Variants in FMO5 observed in about 807,000 individuals in gnomAD.
The protein encoded by FMO5 is flavin-containing monooxygenase 5.
Under a neutral mutation model 43.6 loss-of-function variants are expected in FMO5, and 51 were observed. That is an observed-to-expected ratio of 1.17 (90% CI 0.93 to 1.48). FMO5 has a LOEUF of 1.48. Among genes scored for constraint, FMO5 ranks in the 40% most tolerant of loss-of-function variants. FMO5 has a pLI of 0.00. For synonymous variants in FMO5, 187 were observed against 216.5 expected (o/e 0.86, Z 1.20); for missense variants, 644 against 643.0 (o/e 1.00, Z -0.02).
intron 4 of FMO5, among the ~76,000 whole-genome samples, chr1:147,213,073 A>G (rs1661349151): frequency 6.6e-6 from 1 of 152,152 alleles, no homozygotes; most frequent in South Asian, 2.1e-4. Flanking sequence ...GTCATTTGAT[A>G]CAATGACTAA....
downstream of FMO5, among the ~76,000 whole-genome samples, chr1:147,185,200 A>G (rs1159352467): frequency 1.3e-5 from 2 of 151,990 alleles, no homozygotes; most frequent in African/African-American, 4.8e-5. Context: ...CTTGCATATA[A>G]TATGTACAAT....
intron 2 of FMO5, among the ~76,000 whole-genome samples, chr1:147,221,372 C>G (rs1362824510): frequency 6.6e-6 from 1 of 152,132 alleles, no homozygotes; most frequent in Non-Finnish European, 1.5e-5. Context: ...ATGAGGTGTA[C>G]TGTAATTCTC....
At chr1:147,208,536 C>T (rs587614162) in intron 6 of FMO5, 4 of 216,076 alleles carry the variant, frequency 1.9e-5, no homozygotes, top group Admixed American at 5.4e-5. Context: ...GCCTCCAGGG[C>T]TCAGGTGATT....
At chr1:147,204,378 C>T in intron 6 of FMO5, 1 of 1,053,146 alleles carries the variant, frequency 9.5e-7, no homozygotes, top group Non-Finnish European at 1.5e-6. Context: ...ATACGCATGC[C>T]TGAACAATAA....
chr1:147,185,884 T>C (rs1281755968), downstream of FMO5, among the ~76,000 whole-genome samples: 1 of 152,216 alleles, frequency 6.6e-6, no homozygotes, highest in East Asian at 1.9e-4. Context: ...TCATTTGCTC[T>C]GTTTTTCAGA....
At position 147,201,378 on chromosome 1, in the gene FMO5, C is replaced by T; in HGVS notation, c.957G>A (p.Arg319=). The change falls in exon 7 of 9, where the codon AGG becomes AGA. Residue 319 remains arginine, a synonymous_variant. Transcript: ENST00000254090. The part of the protein sequence containing the change: ...ETAAIFEDGS[R]EDDIDAVIFA... The stretch of plus-strand genomic sequence containing the variant: ...AGATAACAGCATCAATGTCATCCTC[C>T]CTGGAGCCATCCTCAAATATGGCAG... The T allele has an allele frequency of 6.2e-7, 1 of 1,614,164 alleles. No homozygotes were observed.
At position 147,213,455 on chromosome 1, in the gene FMO5, C is replaced by T; in HGVS notation, c.340G>A (p.Val114Met). 6 of 1,608,372 alleles carry T rather than the reference C, an allele frequency of 3.7e-6. No homozygotes were observed. Among genetic ancestry groups the T allele is most frequent in the South Asian group, 1.1e-5 (1 of 89,822 alleles). The change falls in exon 4 of 9, where the codon GTG becomes ATG. Residue 114 changes from valine (V) to methionine (M), a missense_variant. By Grantham distance (21) the Val-to-Met change is conservative. Coordinates refer to ENST00000254090, the MANE Select transcript of FMO5 (RefSeq NM_001461.4). ...YIRFKTTVCS[V>M]KKQPDFATSG... is the part of the protein sequence containing the mutation. ...GTGGCAAAATCAGGCTGCTTCTTCA[C>T]ACTGCACACAGTGGTCTGAAAAGAA...
At position 147,186,990 on chromosome 1, in the gene FMO5, A is replaced by T; in HGVS notation, c.1512T>A (p.Val504=). The T allele has an allele frequency of 6.2e-7, 1 of 1,614,200 alleles. No homozygotes were observed. The highest frequency in any genetic ancestry group is 8.5e-7 in the Non-Finnish European group (1 of 1,180,034). ...RIRKPLMTRV[V]ERSSSMTSTM... is the part of the protein sequence containing the mutation. ...TTGAAGTCATAGAACTACTCCTTTC[A>T]ACTACTCTTGTCATCAGAGGCTTCC... The change falls in exon 9 of 9, where the codon GTT becomes GTA. Residue 504 remains valine, a synonymous_variant. Transcript: ENST00000254090.
chr1:147,187,271 G>T, intron 8 of FMO5, 26 bp from the exon 9 acceptor site: 1 of 1,522,202 alleles, frequency 6.6e-7, no homozygotes, highest in Non-Finnish European at 8.9e-7. Context: ...CAGAAACCAT[G>T]GCCTGTCAAT....
At chr1:147,210,869 G>A (rs1338942078) in intron 5 of FMO5, 3 of 151,966 alleles carry the variant, frequency 2.0e-5, no homozygotes, top group Non-Finnish European at 4.4e-5. Context: ...TTTAATCAGT[G>A]TAATCTTATA....
intron 2 of FMO5, among the ~76,000 whole-genome samples, chr1:147,222,916 C>T (rs1459211535): frequency 1.3e-5 from 2 of 152,174 alleles, no homozygotes; most frequent in African/African-American, 4.8e-5. Context: ...GGCTAAGATG[C>T]TTAGTAAAGA....
intron 6 of FMO5, chr1:147,205,044 T>C (rs761935728): frequency 1.5e-6 from 1 of 679,838 alleles, no homozygotes; most frequent in Middle Eastern, 3.9e-4. Context: ...CCATCTTTGC[T>C]ATATAGTCCA....
At chr1:147,206,723 T>C (rs1347644243) in intron 6 of FMO5, among the ~76,000 whole-genome samples, 1 of 151,930 alleles carries the variant, frequency 6.6e-6, no homozygotes, top group Non-Finnish European at 1.5e-5. Context: ...TGAGAACACT[T>C]GGACACAGGA....
At chr1:147,220,598 C>T (rs1662836883) in intron 2 of FMO5, among the ~76,000 whole-genome samples, 2 of 152,146 alleles carry the variant, frequency 1.3e-5, no homozygotes, top group Non-Finnish European at 2.9e-5. Flanking sequence ...CTGACAAACG[C>T]TATTTCAAGC....
At chr1:147,190,680 A>T (rs1030242684) in intron 7 of FMO5, among the ~76,000 whole-genome samples, 10 of 151,030 alleles carry the variant, frequency 6.6e-5, no homozygotes, top group Non-Finnish European at 1.2e-4. Flanking sequence ...GTAAAAATAA[A>T]TTTTTTGTTT....
At chr1:147,226,805 T>A (rs1250225189), upstream of FMO5, among the ~76,000 whole-genome samples, 1 of 151,584 alleles carries the variant, frequency 6.6e-6, no homozygotes, top group Admixed American at 6.6e-5. Context: ...TAGCAGACTC[T>A]AATTAACATT....
chr1:147,194,845 T>C (rs1553919428), intron 7 of FMO5, among the ~76,000 whole-genome samples: 1 of 152,096 alleles, frequency 6.6e-6, no homozygotes, highest in African/African-American at 2.4e-5. Flanking sequence ...CCCCACTCTC[T>C]TCTGGCTTGT....
chr1:147,213,145 CAGTAATACA>C (rs1267490835), intron 4 of FMO5, among the ~76,000 whole-genome samples, 154 bp downstream of exon 4: 2 of 152,248 alleles, frequency 1.3e-5, no homozygotes, highest in South Asian at 4.2e-4. Flanking sequence ...ACAAAAATGG[CAGTAATACA>C]AGTTACCCCA....
chr1:147,203,393 G>C (rs1659396987), intron 6 of FMO5: 14 of 998,488 alleles, frequency 1.4e-5, no homozygotes, highest in Middle Eastern at 2.1e-4. Context: ...TTAGCAGCGA[G>C]TTTGATAGAC....
Sources: gnomAD v4.1 joint callset for allele counts (sites outside exome capture counted in the v4.1 genomes callset) on GRCh38, gnomAD v4.1.1 for gene constraint, MANE v1.5 for transcripts, NCBI Gene and HGNC (gene_info 2026-07-23, HGNC 2026-07-21) for gene names.